Variants in TSTD2 observed in about 807,000 individuals in gnomAD.
TSTD2 encodes the protein thiosulfate sulfurtransferase/rhodanese-like domain-containing protein 2.
Under a neutral mutation model 47.9 loss-of-function variants are expected in TSTD2, and 37 were observed. The ratio of observed to expected loss-of-function variants is 0.77; its 90% CI spans 0.59 to 1.02. The LOEUF (loss-of-function observed/expected upper bound fraction) is 1.02. Among genes scored for constraint, TSTD2 ranks in the 50% least tolerant of loss-of-function variants. The probability of loss-of-function intolerance (pLI) is 0.00; values close to 1 mark genes in which losing one functional copy is unlikely to be tolerated. For synonymous variants in TSTD2, 201 were observed against 215.9 expected (o/e 0.93, Z 0.61); for missense variants, 586 against 616.0 (o/e 0.95, Z 0.52).
intron 3 of TSTD2, 104 bp downstream of exon 3, chr9:97,625,577 G>A: frequency 9.3e-7 from 1 of 1,077,664 alleles, no homozygotes; most frequent in Non-Finnish European, 1.3e-6. Context: ...ATTTGACACA[G>A]TTGGTCTTTC....
intron 3 of TSTD2, among the ~76,000 whole-genome samples, chr9:97,621,189 CTAAACA>C (rs1352158068): frequency 6.6e-6 from 1 of 152,186 alleles, no homozygotes; most frequent in African/African-American, 2.4e-5. Flanking sequence ...ACTGCAATCT[CTAAACA>C]TAAATTGTGA....
Position 97,627,454 on chromosome 9 carries a change from G to A in TSTD2, c.109C>T (p.Leu37Phe). 1.9e-6 allele frequency: 3 copies of A among 1,612,166 alleles called. No individual in the cohort carries two copies. The highest frequency in any genetic ancestry group is 2.2e-5 in the South Asian group (2 of 90,760). The part of the protein sequence containing the change: ...DMSLINPSSS[L>F]KAELDGSTKK... ...GTACTGCCATCTAATTCTGCTTTAA[G>A]ACTGCTGCTGGGATTAATAAGACTC... Residue 37 changes from leucine (L) to phenylalanine (F), a missense_variant, in exon 2 of 10, where the codon CTT (leucine) becomes TTT (phenylalanine). By Grantham distance (22) the Leu-to-Phe change is conservative. Transcript: ENST00000341170.
intron 9 of TSTD2, chr9:97,604,484 T>C (rs1023369079): frequency 1.7e-5 from 8 of 468,518 alleles, no homozygotes; most frequent in Non-Finnish European, 2.6e-5. Flanking sequence ...ATGATCCCCA[T>C]GTTAATGGGC....
intron 6 of TSTD2, among the ~76,000 whole-genome samples, chr9:97,606,935 C>T (rs950275977): frequency 6.6e-6 from 1 of 152,030 alleles, no homozygotes; most frequent in African/African-American, 2.4e-5. Flanking sequence ...GACAGGAAAG[C>T]TAGAAGATGG....
chr9:97,606,170 A>G lies in TSTD2; in HGVS notation c.927T>C (p.Asp309=). 1 of 1,610,720 alleles carries G rather than the reference A, an allele frequency of 6.2e-7. No homozygotes were observed. Among genetic ancestry groups the G allele is most frequent in the Non-Finnish European group, 8.5e-7 (1 of 1,178,986 alleles). ...TTTTGCTTTCATAGAAGTTTCTGCA[A>G]TCAAGAAGGATAGTATCACTTTGTT... is the stretch of plus-strand genomic sequence containing the variant. The part of the protein sequence containing the change: ...NQEQSDTILL[D]CRNFYESKIG... The change falls in exon 7 of 10, where the codon GAT becomes GAC. Residue 309 remains aspartate (D), a synonymous_variant. Transcript: ENST00000341170.
At chr9:97,632,785 G>C (rs979689088) in intron 1 of TSTD2, among the ~76,000 whole-genome samples, 2 of 152,224 alleles carry the variant, frequency 1.3e-5, no homozygotes, top group Non-Finnish European at 2.9e-5. Flanking sequence ...TATGTAAAAA[G>C]AGGGAAAAGA....
At chr9:97,612,764 C>T (rs1340111853) in intron 4 of TSTD2, among the ~76,000 whole-genome samples, 1 of 152,208 alleles carries the variant, frequency 6.6e-6, no homozygotes, top group Non-Finnish European at 1.5e-5. Flanking sequence ...CCATGTTGGC[C>T]AGGCTGGTCT....
intron 3 of TSTD2, among the ~76,000 whole-genome samples, chr9:97,625,108 T>C (rs1242287326): frequency 6.6e-6 from 1 of 151,422 alleles, no homozygotes; most frequent in Non-Finnish European, 1.5e-5. Context: ...AAAAAATCTC[T>C]TGTGTATTCC....
intron 1 of TSTD2, among the ~76,000 whole-genome samples, chr9:97,628,364 G>C (rs1826756168): frequency 6.6e-6 from 1 of 152,132 alleles, no homozygotes; most frequent in African/African-American, 2.4e-5. Flanking sequence ...GCTTTGGTTT[G>C]TGCTGCAGCA....
At chr9:97,618,676 C>G (rs1826582195) in intron 3 of TSTD2, among the ~76,000 whole-genome samples, 1 of 152,150 alleles carries the variant, frequency 6.6e-6, no homozygotes, top group African/African-American at 2.4e-5. Flanking sequence ...CTTTAATACC[C>G]CTTTTTTCAA....
At chr9:97,607,087 GC>G (rs1826378467) in intron 6 of TSTD2, among the ~76,000 whole-genome samples, 1 of 152,098 alleles carries the variant, frequency 6.6e-6, no homozygotes, top group Non-Finnish European at 1.5e-5. Context: ...GACCCCTTGA[GC>G]CCAAGAGATC....
At chr9:97,622,483 G>C (rs1003136338) in intron 3 of TSTD2, among the ~76,000 whole-genome samples, 1 of 152,230 alleles carries the variant, frequency 6.6e-6, no homozygotes, top group African/African-American at 2.4e-5. Flanking sequence ...TGGGGTCAGA[G>C]CCCCAACACA....
intron 1 of TSTD2, among the ~76,000 whole-genome samples, chr9:97,629,430 G>A (rs746605854): frequency 2.0e-5 from 3 of 152,218 alleles, no homozygotes; most frequent in Non-Finnish European, 4.4e-5. Flanking sequence ...AATCAGCTAA[G>A]TGGTGCTTTC....
chr9:97,611,635 T>C lies in TSTD2; in HGVS notation c.668A>G (p.Tyr223Cys), dbSNP rs956688461. The C allele has an allele frequency of 1.9e-6, 3 of 1,610,976 alleles. No individual in the cohort carries two copies. In the African/African-American group the frequency reaches 4.0e-5, roughly 22 times the overall value. ...VGGSKLATRL[Y>C]VEVMLSFPLF... ...TGGGAAGGAAAGCATGACTTCCACA[T>C]AAAGTCTGGTAGCCAATTTGCTTCC... The change falls in exon 5 of 10, where the codon TAT becomes TGT. Residue 223 changes from tyrosine to cysteine, a missense_variant. Physicochemically the swap from Tyr to Cys is radical, Grantham distance 194. Transcript: ENST00000341170.
rs1826244919 is a variant in TSTD2 at position 97,600,999 on chromosome 9, G to A, written c.*1470C>T. The A allele has an allele frequency of 7.8e-7, 1 of 1,278,962 alleles. No individual in the cohort carries two copies. Among genetic ancestry groups the A allele is most frequent in the African/African-American group, 1.5e-5 (1 of 65,306 alleles). 79.2% of individuals were successfully genotyped at this position (1,278,962 alleles called of 1,614,324 possible). On this transcript the variant is annotated 3_prime_UTR_variant, in exon 10 of 10. Transcript: ENST00000341170. The stretch of plus-strand genomic sequence containing the variant: ...ACAAGGTCAAGAACTCCAGAGCACT[G>A]AGCAGAGAGGCTGGTGATGAAAAGG...
chr9:97,601,670 A>G lies in TSTD2; in HGVS notation c.*799T>C, dbSNP rs1312288241. On this transcript the variant is annotated 3_prime_UTR_variant, in exon 10 of 10. Transcript: ENST00000341170. ...AGGCCACATAGTGTCTGTTGCAACT[A>G]TTCAACTCTGCCATAGATCATGTGT... is the stretch of plus-strand genomic sequence containing the variant. 11 of 703,090 alleles carry G rather than the reference A, an allele frequency of 1.6e-5. No homozygotes were observed. The highest frequency in any genetic ancestry group is 1.9e-5 in the Non-Finnish European group (11 of 571,586). The allele number at this position is 703,090 out of a possible 1,614,324, so 43.6% of individuals were successfully genotyped here.
intron 4 of TSTD2, 70 bp from the exon 5 acceptor site, chr9:97,611,769 T>C (rs1826465216): frequency 4.6e-6 from 7 of 1,513,150 alleles, no homozygotes; most frequent in East Asian, 2.3e-5. Context: ...GGAAGAACAA[T>C]AGGCTCATGT....
intron 6 of TSTD2, among the ~76,000 whole-genome samples, chr9:97,609,920 CT>C (rs1425898612): frequency 6.6e-6 from 1 of 152,152 alleles, no homozygotes; most frequent in African/African-American, 2.4e-5. Flanking sequence ...AAACAAATGT[CT>C]TTCAACCATT....
rs1191452659 is a variant in TSTD2 at position 97,605,614 on chromosome 9, C to T, written c.982G>A (p.Asp328Asn). ...IGRFQGCLAP[D>N]IRKFSYFPSY... ...GGGAAGTAACTGAATTTCCTGATGT[C>T]TGGGGCTAAGCAGCCTTGGAATCGT... The change falls in exon 8 of 10, where the codon GAC becomes AAC. Residue 328 changes from aspartate (D) to asparagine (N), a missense_variant. Transcript: ENST00000341170. The T allele has an allele frequency of 3.1e-6, 5 of 1,614,116 alleles. No individual in the cohort carries two copies. Among genetic ancestry groups the T allele is most frequent in the Non-Finnish European group, 4.2e-6 (5 of 1,180,052 alleles).
Sources: allele counts gnomAD v4.1 joint callset (sites outside exome capture counted in the v4.1 genomes callset), GRCh38; gene constraint gnomAD v4.1.1; transcripts MANE v1.5; gene names NCBI Gene and HGNC (gene_info 2026-07-23, HGNC 2026-07-21).